MALRD1: variants seen among roughly 807,000 people sequenced by gnomAD.
The protein encoded by MALRD1 is MAM and LDL-receptor class A domain-containing protein 1.
In MALRD1, 247 loss-of-function variants were observed where a neutral mutation model predicts 242.1. The ratio of observed to expected loss-of-function variants is 1.02; its 90% CI spans 0.92 to 1.13. The LOEUF is 1.13. MALRD1 is among the 50% of genes most tolerant of loss of function. The probability of loss-of-function intolerance (pLI) is 0.00; values close to 1 mark genes in which losing one functional copy is unlikely to be tolerated. For missense variants in MALRD1, 2,989 were observed against 2,533.1 expected (o/e 1.18, Z -3.86); for synonymous variants, 995 against 866.6 (o/e 1.15, Z -2.60).
At chr10:19,427,655 C>T (rs919771650) in intron 28 of MALRD1, among the ~76,000 whole-genome samples, 40 of 152,042 alleles carry the variant, frequency 2.6e-4, no homozygotes, top group African/African-American at 9.7e-4. Context: ...CCTCAATTTC[C>T]TTATTTGTAA....
At chr10:19,103,730 G>A (rs11008491) in intron 4 of MALRD1, among the ~76,000 whole-genome samples, 5,044 of 152,108 alleles carry the variant, frequency 0.033, 245 homozygotes, top group African/African-American at 0.11. Context: ...ATCTAGGTGA[G>A]TATTGCTGCA....
chr10:19,435,243 A>G (rs1834306288), intron 28 of MALRD1, among the ~76,000 whole-genome samples: 1 of 151,910 alleles, frequency 6.6e-6, no homozygotes, highest in Non-Finnish European at 1.5e-5. Flanking sequence ...AGATTGAGGT[A>G]ATTATTGCAA....
rs201952176 is a variant in MALRD1 at position 19,730,787 on chromosome 10, T to C, written c.6390+6T>C. ...GCAACCCAGAGAAAACAGAGGTAAG[T>C]GGCAAGGGTGAACTATATCTTTTCA... On this transcript the variant is annotated splice_donor_region_variant and intron_variant, in intron 39 of 39. Transcript: ENST00000454679. 2.8e-3 allele frequency: 4,330 copies of C among 1,536,202 alleles called. 11 individuals are homozygous for C. The highest frequency in any genetic ancestry group is 3.2e-3 in the Non-Finnish European group (3,657 of 1,146,652).
chr10:19,363,957 G>A (rs1845006128), intron 26 of MALRD1, among the ~76,000 whole-genome samples: 1 of 152,050 alleles, frequency 6.6e-6, no homozygotes, highest in African/African-American at 2.4e-5. Flanking sequence ...GTAAAAAAGA[G>A]ACAGAGTAGT....
chr10:19,138,824 C>A (rs1363050476), intron 10 of MALRD1, among the ~76,000 whole-genome samples: 1 of 152,144 alleles, frequency 6.6e-6, no homozygotes, highest in Non-Finnish European at 1.5e-5. Context: ...TGATTTTCGA[C>A]ATATTTTCTC....
At chr10:19,440,950 A>C (rs1238895598) in intron 28 of MALRD1, among the ~76,000 whole-genome samples, 2 of 152,016 alleles carry the variant, frequency 1.3e-5, no homozygotes, top group African/African-American at 2.4e-5. Context: ...ACTAGTTTAC[A>C]GTCCCACCAA....
intron 28 of MALRD1, among the ~76,000 whole-genome samples, chr10:19,449,041 T>C (rs1333294060): frequency 6.6e-6 from 1 of 152,182 alleles, no homozygotes; most frequent in East Asian, 1.9e-4. Context: ...GAAGTTTGGA[T>C]AGCTAATTAC....
chr10:19,547,318 T>G (rs1010958381), intron 32 of MALRD1, among the ~76,000 whole-genome samples: 4 of 152,096 alleles, frequency 2.6e-5, no homozygotes, highest in Non-Finnish European at 2.9e-5. Flanking sequence ...CAGTGATGTT[T>G]ATTACAAACC....
At chr10:19,651,490 G>A (rs184066307) in intron 36 of MALRD1, among the ~76,000 whole-genome samples, 1 of 152,220 alleles carries the variant, frequency 6.6e-6, no homozygotes, top group East Asian at 1.9e-4. Context: ...AAAGCATAAC[G>A]TGAAAAAGCA....
intron 28 of MALRD1, among the ~76,000 whole-genome samples, chr10:19,415,159 A>G (rs1833463613): frequency 2.0e-5 from 3 of 152,202 alleles, no homozygotes; most frequent in Admixed American, 2.0e-4. Context: ...AATACATAGG[A>G]CAGACAAAAT....
At chr10:19,110,390 A>C (rs1268663555) in intron 5 of MALRD1, among the ~76,000 whole-genome samples, 1 of 152,250 alleles carries the variant, frequency 6.6e-6, no homozygotes, top group Non-Finnish European at 1.5e-5. Context: ...TTTAGTGCTC[A>C]GCATTTATCA....
intron 34 of MALRD1, among the ~76,000 whole-genome samples, chr10:19,598,722 G>A (rs1030748983): frequency 1.3e-5 from 2 of 152,094 alleles, no homozygotes; most frequent in African/African-American, 4.8e-5. Context: ...GGCCATCAGC[G>A]TATGATTATT....
intron 18 of MALRD1, among the ~76,000 whole-genome samples, chr10:19,235,771 T>C (rs1838292443): frequency 6.6e-6 from 1 of 152,086 alleles, no homozygotes; most frequent in Non-Finnish European, 1.5e-5. Flanking sequence ...TTCAGGATTC[T>C]GGTGGGAATA....
Position 19,272,251 on chromosome 10 carries a change from T to G in MALRD1, c.3080-7796T>G, listed in dbSNP as rs527655372. ...CATTAATCATAGAAGTAGTGATTGA[T>G]AAATTAAAGGTCATTAAATTTTTTT... On this transcript the variant is annotated intron_variant, in intron 19 of 39. Transcript: ENST00000454679. 2.8e-4 allele frequency among the ~76,000 whole-genome samples: 43 copies of G among 152,154 alleles called. No individual in the cohort carries two copies. In the South Asian group the frequency reaches 3.1e-3, roughly 11 times the overall value.
intron 34 of MALRD1, among the ~76,000 whole-genome samples, chr10:19,600,406 C>A (rs1377751082): frequency 6.6e-6 from 1 of 152,112 alleles, no homozygotes; most frequent in Non-Finnish European, 1.5e-5. Flanking sequence ...AAATTATTAT[C>A]CTTTCCCCAT....
intron 12 of MALRD1, among the ~76,000 whole-genome samples, chr10:19,159,322 G>A (rs993153505): frequency 6.6e-6 from 1 of 151,978 alleles, no homozygotes; most frequent in Non-Finnish European, 1.5e-5. Flanking sequence ...AGATATCTTA[G>A]CTTGTTTTTT....
At chr10:19,243,249 C>T (rs1838879831) in intron 18 of MALRD1, among the ~76,000 whole-genome samples, 1 of 151,872 alleles carries the variant, frequency 6.6e-6, no homozygotes. Flanking sequence ...CCTTACATTA[C>T]ATCTTTATGA....
rs1426170844 is a variant in MALRD1, at chr10:19,123,492, A to T, written c.695A>T (p.Asp232Val). 10 of 1,231,966 alleles carry T rather than the reference A, an allele frequency of 8.1e-6. No homozygotes were observed. Among genetic ancestry groups the T allele is most frequent in the Non-Finnish European group, 9.1e-6 (9 of 986,360 alleles). 76.3% of individuals were successfully genotyped at this position (1,231,966 alleles called of 1,614,324 possible). ...TCTTGCCAATCTTTAAATTTAACAG[A>T]TGGAATTTTACTGTGTCAAGAAGCA... ...SFSSGCLPANDGILLCQEALN... is the reference protein window; with the variant it reads ...SFSSGCLPANVGILLCQEALN... The change falls in exon 6 of 40, where the codon GAT (aspartate) becomes GTT (valine). Residue 232 changes from aspartate to valine, a missense_variant and splice_region_variant. Asp to Val is a radical substitution (Grantham distance 152). Transcript: ENST00000454679.
chr10:19,450,095 TC>T (rs1304083130), intron 28 of MALRD1, among the ~76,000 whole-genome samples: 1 of 152,172 alleles, frequency 6.6e-6, no homozygotes, highest in Non-Finnish European at 1.5e-5. Flanking sequence ...CTTAGTGCTT[TC>T]CCCGACCCCT....
Sources: allele counts gnomAD v4.1 joint callset (sites outside exome capture counted in the v4.1 genomes callset), GRCh38; gene constraint gnomAD v4.1.1; transcripts MANE v1.5; gene names NCBI Gene and HGNC (gene_info 2026-07-23, HGNC 2026-07-21).